The following DCUN1D1 variants were observed in gnomAD, a reference collection of about 807,000 sequenced individuals.
DCUN1D1 encodes DCN1-like protein 1.
DCUN1D1 carries 3 observed loss-of-function variants against 39.0 expected under a neutral mutation model. The ratio of observed to expected loss-of-function variants is 0.08; its 90% CI spans 0.04 to 0.20. DCUN1D1 has a LOEUF of 0.20. Ranked by LOEUF, DCUN1D1 falls within the 10% of genes least tolerant of loss-of-function variation. DCUN1D1 has a pLI of 1.00. For synonymous variants in DCUN1D1, 82 were observed against 96.3 expected (o/e 0.85, Z 0.87); for missense variants, 158 against 302.4 (o/e 0.52, Z 3.54).
At chr3:182,980,283 G>C (rs965250380) in intron 1 of DCUN1D1, 96 of 330,872 alleles carry the variant, frequency 2.9e-4, no homozygotes, top group Non-Finnish European at 4.1e-4. Flanking sequence ...CTCGGCTCTC[G>C]CGTAGCGGCT....
chr3:182,978,316 A>C (rs1392823663), intron 1 of DCUN1D1, among the ~76,000 whole-genome samples: 1 of 152,210 alleles, frequency 6.6e-6, no homozygotes, highest in African/African-American at 2.4e-5. Context: ...CTTTATAATG[A>C]AACAACTTCT....
At chr3:182,972,906 G>A (rs1728019971) in intron 1 of DCUN1D1, among the ~76,000 whole-genome samples, 1 of 152,168 alleles carries the variant, frequency 6.6e-6, no homozygotes, top group African/African-American at 2.4e-5. Context: ...GCCGGGCATG[G>A]TGGCACATGC....
In DCUN1D1 at chr3:182,975,366, T is replaced by C. The variant is rs188028733; in HGVS notation, c.3+5121A>G. On this transcript the variant is annotated intron_variant, in intron 1 of 6. Coordinates refer to ENST00000292782, the MANE Select transcript of DCUN1D1 (RefSeq NM_020640.4). ...TAATTTTTTGTATTTTTAGCAGAGA[T>C]GGGGTTTCACCGTGTTAGCCAGGAT... is the stretch of plus-strand genomic sequence containing the variant. Among the ~76,000 whole-genome samples, 684 of 151,892 alleles carry C rather than the reference T, an allele frequency of 4.5e-3. 13 individuals are homozygous for C. The highest frequency in any genetic ancestry group is 6.8e-3 in the Middle Eastern group (2 of 294).
intron 4 of DCUN1D1, among the ~76,000 whole-genome samples, chr3:182,955,198 A>G (rs570961651): frequency 1.5e-4 from 23 of 152,152 alleles, no homozygotes; most frequent in Admixed American, 7.2e-4. Context: ...GCGCCACCAC[A>G]CCCGGCTAAT....
At chr3:182,983,121 G>A (rs915446391), upstream of DCUN1D1, among the ~76,000 whole-genome samples, 1 of 152,144 alleles carries the variant, frequency 6.6e-6, no homozygotes, top group Non-Finnish European at 1.5e-5. Flanking sequence ...TCTCTCCTCT[G>A]ATCTATCCAT....
intron 4 of DCUN1D1, 85 bp from the exon 5 acceptor site, chr3:182,947,717 T>G: frequency 1.2e-6 from 1 of 800,428 alleles, no homozygotes; most frequent in East Asian, 2.7e-5. Flanking sequence ...AAAACAGGTA[T>G]GACCAAAGAA....
At chr3:182,955,341 A>C (rs1227551034) in intron 4 of DCUN1D1, 1 of 544,846 alleles carries the variant, frequency 1.8e-6, no homozygotes, top group Non-Finnish European at 3.7e-6. Flanking sequence ...GTTGGAACTT[A>C]GATTATTTTC....
intron 4 of DCUN1D1, among the ~76,000 whole-genome samples, chr3:182,953,139 T>C (rs1325501866): frequency 6.6e-6 from 1 of 152,208 alleles, no homozygotes; most frequent in Non-Finnish European, 1.5e-5. Flanking sequence ...AAATGTGCAT[T>C]CATTCTTCAA....
chr3:182,950,497 A>G (rs1258447190), intron 4 of DCUN1D1, among the ~76,000 whole-genome samples: 1 of 151,836 alleles, frequency 6.6e-6, no homozygotes, highest in Admixed American at 6.6e-5. Flanking sequence ...TTTTTGACCA[A>G]TCAAAATAGG....
chr3:182,955,984 A>C (rs1727039330), intron 4 of DCUN1D1: 1 of 150,562 alleles, frequency 6.6e-6, no homozygotes, highest in Admixed American at 6.9e-5. Flanking sequence ...GCTGGAGTAC[A>C]GTGGCACAAT....
chr3:182,970,999 T>G (rs548580989), intron 1 of DCUN1D1, among the ~76,000 whole-genome samples: 16 of 152,328 alleles, frequency 1.1e-4, no homozygotes, highest in Admixed American at 9.2e-4. Context: ...AATAGGAATC[T>G]AGGTAGGAGT....
chr3:182,952,182 A>G (rs1297912095), intron 4 of DCUN1D1, among the ~76,000 whole-genome samples: 1 of 152,138 alleles, frequency 6.6e-6, no homozygotes, highest in Non-Finnish European at 1.5e-5. Context: ...TAGAGAACTG[A>G]GCATACCTCC....
At chr3:182,976,620 T>G (rs1017327091) in intron 1 of DCUN1D1, among the ~76,000 whole-genome samples, 1 of 152,154 alleles carries the variant, frequency 6.6e-6, no homozygotes, top group African/African-American at 2.4e-5. Context: ...CTTCCATCAA[T>G]GCCCTAGCAC....
chr3:182,969,174 C>T (rs1036256652), intron 1 of DCUN1D1, among the ~76,000 whole-genome samples: 2 of 152,230 alleles, frequency 1.3e-5, no homozygotes, highest in African/African-American at 4.8e-5. Context: ...TACATTGTAA[C>T]ATTTGATTCC....
At chr3:182,958,877 T>C (rs1283196582) in intron 4 of DCUN1D1, among the ~76,000 whole-genome samples, 3 of 152,186 alleles carry the variant, frequency 2.0e-5, no homozygotes, top group African/African-American at 7.2e-5. Flanking sequence ...CTCAAAACTA[T>C]ATATTCACCC....
chr3:182,963,771 T>C (rs926350739), intron 3 of DCUN1D1, 110 bp downstream of exon 3: 2 of 958,774 alleles, frequency 2.1e-6, no homozygotes, highest in Non-Finnish European at 3.0e-6. Context: ...CATTTCTATT[T>C]ATACCAATGT....
intron 6 of DCUN1D1, among the ~76,000 whole-genome samples, chr3:182,947,003 G>T (rs1041039884): frequency 2.6e-5 from 4 of 152,088 alleles, no homozygotes; most frequent in Admixed American, 1.3e-4. Context: ...TTGGGAGGCT[G>T]AGGCAGGAGG....
chr3:182,971,526 T>C (rs1727934893), intron 1 of DCUN1D1, among the ~76,000 whole-genome samples: 1 of 149,626 alleles, frequency 6.7e-6, no homozygotes, highest in Non-Finnish European at 1.5e-5. Flanking sequence ...TGAGCTATGA[T>C]GGCACCACTG....
intron 1 of DCUN1D1, among the ~76,000 whole-genome samples, chr3:182,969,528 G>A (rs1347909325): frequency 6.6e-6 from 1 of 152,098 alleles, no homozygotes; most frequent in African/African-American, 2.4e-5. Context: ...CAGCTACAAT[G>A]ATTCAGCACT....
Sources: gnomAD v4.1 joint callset for allele counts (sites outside exome capture counted in the v4.1 genomes callset) on GRCh38, gnomAD v4.1.1 for gene constraint, MANE v1.5 for transcripts, NCBI Gene and HGNC (gene_info 2026-07-23, HGNC 2026-07-21) for gene names.